CD163L1: variants seen among roughly 807,000 people sequenced by gnomAD.
CD163L1 encodes CD163 molecule like 1, also known as scavenger receptor cysteine-rich type 1 protein M160.
In CD163L1, 124 loss-of-function variants were observed where a neutral mutation model predicts 165.4. The ratio of observed to expected loss-of-function variants is 0.75; its 90% confidence interval spans 0.65 to 0.87. CD163L1 has a LOEUF of 0.87. CD163L1 is among the 40% of genes least tolerant of loss of function. CD163L1 has a pLI of 0.00. For missense variants in CD163L1, 1,525 were observed against 1,799.9 expected, an observed-to-expected ratio of 0.85 and a Z score of 2.76; for synonymous variants, 585 against 662.2, an observed-to-expected ratio of 0.88 and a Z score of 1.79.
chr12:7,382,596 C>T (rs1947434704), intron 8 of CD163L1, among the ~76,000 whole-genome samples: 1 of 152,144 alleles, frequency 6.6e-6, no homozygotes, highest in Non-Finnish European at 1.5e-5. Context: ...CAATCCTAGC[C>T]ATGGGAGAGC....
chr12:7,331,186 T>G, the CD163L1 span, among the ~76,000 whole-genome samples: 3 of 152,218 alleles, frequency 2.0e-5, no homozygotes, highest in African/African-American at 7.2e-5. Flanking sequence ...CCTCGCTCAT[T>G]GCTAGCACAG....
At chr12:7,331,813 T>C in the CD163L1 span, among the ~76,000 whole-genome samples, 1 of 152,030 alleles carries the variant, frequency 6.6e-6, no homozygotes, top group African/African-American at 2.4e-5. Flanking sequence ...CAAAGGTAGA[T>C]AAAACCACAA....
intron 4 of CD163L1, among the ~76,000 whole-genome samples, chr12:7,409,746 AG>A (rs1232093798): frequency 6.6e-6 from 1 of 152,236 alleles, no homozygotes; most frequent in Non-Finnish European, 1.5e-5. Context: ...TAGAAACTGA[AG>A]CCAAGATTTA....
At chr12:7,439,497 G>A in intron 2 of CD163L1, 3 of 1,584,890 alleles carry the variant, frequency 1.9e-6, no homozygotes, top group Non-Finnish European at 2.6e-6. Flanking sequence ...GATCATCTGG[G>A]CTTTTCTCCT....
At chr12:7,393,550 A>G (rs999709446) in intron 8 of CD163L1, among the ~76,000 whole-genome samples, 6 of 152,220 alleles carry the variant, frequency 3.9e-5, no homozygotes, top group African/African-American at 1.2e-4. Flanking sequence ...CCTATTCAAC[A>G]TAGTGTTGGA....
rs758000336 is a variant in CD163L1 at position 7,404,388 on chromosome 12, C to T, written c.1088-533G>A. ...ATGTTCTTTCTCATACTGTTTTCTA[C>T]GAAGAAGCAAGCCTTTGCTTATTAA... On this transcript the variant is annotated intron_variant, in intron 5 of 19. Transcript: ENST00000313599. 5.3e-5 allele frequency among the ~76,000 whole-genome samples: 8 copies of T among 151,880 alleles called. No individual in the cohort carries two copies. In the East Asian group the frequency reaches 1.2e-3, roughly 22 times the overall value.
intron 8 of CD163L1, among the ~76,000 whole-genome samples, chr12:7,388,743 CAA>C (rs146990548): frequency 2.2e-5 from 2 of 91,544 alleles, no homozygotes. Flanking sequence ...GATCCAGTTT[CAA>C]AAAAAAAAAA....
chr12:7,341,918 G>A (rs928526200), downstream of CD163L1, among the ~76,000 whole-genome samples: 3 of 152,168 alleles, frequency 2.0e-5, no homozygotes, highest in Admixed American at 6.5e-5. Context: ...GAGACTCTCA[G>A]AAAAGTTCAG....
chr12:7,341,284 A>G, the CD163L1 span, among the ~76,000 whole-genome samples: 1 of 152,198 alleles, frequency 6.6e-6, no homozygotes, highest in Non-Finnish European at 1.5e-5. Context: ...CGACTTTCAG[A>G]GTTCAGGTAA....
At position 7,374,580 on chromosome 12, in the gene CD163L1, A is replaced by G. The variant is rs376072025; in HGVS notation, c.3271T>C (p.Phe1091Leu). 1 of 1,614,076 alleles carries G rather than the reference A, an allele frequency of 6.2e-7. No homozygotes were observed. Among genetic ancestry groups the G allele is most frequent in the African/African-American group, 1.3e-5 (1 of 74,924 alleles). ...CAGATGGGCCCTGACCCCTCCCCAA[A>G]GTGAGCAGAGACCGTGGCATTGAAG... Reference protein sequence around the residue: ...VAFNATVSAHFGEGSGPIWLD... With the variant: ...VAFNATVSAHLGEGSGPIWLD... The change falls in exon 13 of 20, where the codon TTT becomes CTT. Residue 1091 changes from phenylalanine to leucine, a missense_variant. Phe to Leu is a conservative substitution (Grantham distance 22). Coordinates refer to ENST00000313599, the MANE Select transcript of CD163L1 (RefSeq NM_174941.6). This position sits in a 1 kb window ranked among gnomAD's most constrained non-coding sequence, Gnocchi z 5.4.
At chr12:7,322,421 T>G in the CD163L1 span, 1 of 1,613,704 alleles carries the variant, frequency 6.2e-7, no homozygotes, top group Non-Finnish European at 8.5e-7. Flanking sequence ...TCTCCAGATA[T>G]AAATTCAAGA....
At chr12:7,320,681 T>C in the CD163L1 span, 13 of 1,541,812 alleles carry the variant, frequency 8.4e-6, no homozygotes, top group South Asian at 1.5e-4. Context: ...GTCATGGCCT[T>C]TGAATGACCA....
chr12:7,352,168 T>C (rs571227614), downstream of CD163L1, among the ~76,000 whole-genome samples: 106 of 152,298 alleles, frequency 7.0e-4, no homozygotes, highest in Middle Eastern at 3.4e-3. Context: ...TGACAAATCC[T>C]GTCTCCCTAA....
intron 18 of CD163L1, 95 bp downstream of exon 18, chr12:7,367,141 A>C: frequency 1.6e-6 from 1 of 642,266 alleles, no homozygotes; most frequent in African/African-American, 1.8e-5. Flanking sequence ...AGAGGCTGAG[A>C]CACATCTCCA....
chr12:7,438,686 A>G, intron 2 of CD163L1: 1 of 666,078 alleles, frequency 1.5e-6, no homozygotes, highest in Non-Finnish European at 2.4e-6. Flanking sequence ...GGTCATAAAC[A>G]CTTTCTCATA....
In CD163L1 at chr12:7,381,121, A is replaced by G. The variant is rs568871005; in HGVS notation, c.2051-1823T>C. Reference sequence around the variant, plus strand: ...TAAAAATTCACATTATTAAATGTCTATGTGATATCATACTATTTTTCTACT... The same window carrying G: ...TAAAAATTCACATTATTAAATGTCTGTGTGATATCATACTATTTTTCTACT... On this transcript the variant is annotated intron_variant, in intron 8 of 19. Coordinates refer to ENST00000313599, the MANE Select transcript of CD163L1 (RefSeq NM_174941.6). Among the ~76,000 whole-genome samples, 408 of 152,246 alleles carry G rather than the reference A, an allele frequency of 2.7e-3. 4 individuals are homozygous for G. The highest frequency in any genetic ancestry group is 9.7e-3 in the African/African-American group (402 of 41,560).
intron 4 of CD163L1, among the ~76,000 whole-genome samples, chr12:7,419,436 G>A (rs764950973): frequency 2.0e-5 from 3 of 151,862 alleles, no homozygotes; most frequent in Admixed American, 6.6e-5. Context: ...GCATTCCCCC[G>A]AGAACTGGAA....
At chr12:7,346,258 C>T (rs1238720159), downstream of CD163L1, among the ~76,000 whole-genome samples, 1 of 152,030 alleles carries the variant, frequency 6.6e-6, no homozygotes, top group African/African-American at 2.4e-5. Context: ...TTGCTGGGGG[C>T]CACATTTATT....
intron 19 of CD163L1, among the ~76,000 whole-genome samples, chr12:7,356,922 C>T (rs998308833): frequency 3.9e-5 from 6 of 152,098 alleles, no homozygotes; most frequent in South Asian, 4.1e-4. Context: ...AAGCCACCTA[C>T]GTTTAATAAA....
Sources: allele counts gnomAD v4.1 joint callset (sites outside exome capture counted in the v4.1 genomes callset), GRCh38; gene constraint gnomAD v4.1.1; non-coding constraint Gnocchi (gnomAD v3.1); transcripts MANE v1.5; gene names NCBI Gene and HGNC (gene_info 2026-07-23, HGNC 2026-07-21).